LARP1: variants seen among roughly 807,000 people sequenced by gnomAD.
The protein encoded by LARP1 is La ribonucleoprotein 1, translational regulator, also known as la-related protein 1.
A neutral mutation model predicts 122.7 loss-of-function variants in LARP1; 36 were observed. That is an observed-to-expected ratio of 0.29 (90% CI 0.22 to 0.39). The LOEUF is 0.39. LARP1 is among the 10% of genes least tolerant of loss of function. LARP1 has a pLI of 1.00. For synonymous variants in LARP1, 539 were observed against 528.7 expected, an observed-to-expected ratio of 1.02 and a Z score of -0.27; for missense variants, 1,040 against 1,403.6, an observed-to-expected ratio of 0.74 and a Z score of 4.14.
intron 18 of LARP1, among the ~76,000 whole-genome samples, chr5:154,812,621 G>A (rs1316821697): frequency 6.7e-6 from 1 of 149,992 alleles, no homozygotes; most frequent in Non-Finnish European, 1.5e-5. Context: ...CCGGGTTTAA[G>A]TGATTCTCCT....
Position 154,756,117 on chromosome 5 carries a change from C to T in LARP1, c.360C>T (p.Pro120=), listed in dbSNP as rs1208013867. 8 of 1,243,066 alleles carry T rather than the reference C, an allele frequency of 6.4e-6. No individual in the cohort carries two copies. The highest frequency in any genetic ancestry group is 7.3e-6 in the Non-Finnish European group (7 of 963,550). 77.0% of individuals were successfully genotyped at this position (1,243,066 alleles called of 1,614,324 possible). A position where few individuals can be genotyped will look rare whatever the true frequency, so the allele number is the denominator to read the frequency against. Residue 120 remains proline, a synonymous_variant, in exon 1 of 19, where the codon CCC becomes CCT. Transcript: ENST00000518297. ...GGCGCCGGGACTTCGTGGAAGCCCC[C>T]CCGCCCAAGGTGAACCCGTGGACTA... ...GAGRRDFVEA[P]PPKVNPWTKN... is the part of the protein sequence containing the mutation.
At chr5:154,683,854 T>A (rs17560103) in intron 1 of LARP1, among the ~76,000 whole-genome samples, 9,221 of 152,200 alleles carry the variant, frequency 0.061, 381 homozygotes, top group Middle Eastern at 0.095. Context: ...GGGATCAGAG[T>A]AGACCTCAAA....
chr5:154,753,035 C>T (rs1297246078), upstream of LARP1, among the ~76,000 whole-genome samples: 1 of 152,032 alleles, frequency 6.6e-6, no homozygotes, highest in African/African-American at 2.4e-5. Flanking sequence ...ATCTCAGTAC[C>T]CCTCCACCCT....
intron 1 of LARP1, among the ~76,000 whole-genome samples, chr5:154,693,725 G>T (rs1245412648): frequency 6.6e-6 from 1 of 151,932 alleles, no homozygotes; most frequent in Admixed American, 6.6e-5. Context: ...GCGTGGTGGC[G>T]GGCTCCTGTA....
chr5:154,702,982 G>A (rs918284091), intron 1 of LARP1, among the ~76,000 whole-genome samples: 40 of 152,150 alleles, frequency 2.6e-4, no homozygotes, highest in African/African-American at 8.2e-4. Context: ...TTAGCCGGGC[G>A]TGGTGGCGCG....
intron 14 of LARP1, chr5:154,804,773 G>A (rs1412367968): frequency 2.2e-6 from 1 of 456,258 alleles, no homozygotes; most frequent in South Asian, 1.5e-5. Flanking sequence ...ATTTATTTCA[G>A]TAAGATGGCC....
chr5:154,811,993 C>T (rs72797597), intron 18 of LARP1, among the ~76,000 whole-genome samples: 2,561 of 152,296 alleles, frequency 0.017, 25 homozygotes, highest in Non-Finnish European at 0.026. Flanking sequence ...AAAGCCAATT[C>T]CAACCCCAGT....
At chr5:154,812,012 T>C (rs544457737) in intron 18 of LARP1, among the ~76,000 whole-genome samples, 1 of 152,268 alleles carries the variant, frequency 6.6e-6, no homozygotes, top group Admixed American at 6.5e-5. Flanking sequence ...GTTTATAAAT[T>C]AATGCCCAGG....
At chr5:154,804,428 T>G (rs1421205218) in intron 14 of LARP1, 121 bp downstream of exon 14, 1 of 756,376 alleles carries the variant, frequency 1.3e-6, no homozygotes, top group African/African-American at 1.7e-5. Flanking sequence ...CTAAGAGGTT[T>G]TCAAAAAACC....
chr5:154,691,561 G>A (rs1367859065), intron 1 of LARP1, among the ~76,000 whole-genome samples: 1 of 152,298 alleles, frequency 6.6e-6, no homozygotes, highest in African/African-American at 2.4e-5. Flanking sequence ...GGTGCCGTTC[G>A]TTGAAAAGGC....
chr5:154,774,855 CAA>C (rs1221634575), intron 1 of LARP1, among the ~76,000 whole-genome samples: 2 of 152,170 alleles, frequency 1.3e-5, no homozygotes, highest in East Asian at 1.9e-4. Flanking sequence ...GTATTTTGAC[CAA>C]AGTCTCTCAG....
At chr5:154,703,719 C>G (rs1452039669) in intron 1 of LARP1, among the ~76,000 whole-genome samples, 1 of 152,162 alleles carries the variant, frequency 6.6e-6, no homozygotes, top group African/African-American at 2.4e-5. Context: ...GACCTGGGCT[C>G]AAGCAATTCT....
intron 1 of LARP1, among the ~76,000 whole-genome samples, chr5:154,687,535 C>G (rs1196770752): frequency 1.3e-5 from 2 of 152,192 alleles, no homozygotes; most frequent in Non-Finnish European, 2.9e-5. Flanking sequence ...GCACCCACCA[C>G]CACACTCGGC....
In LARP1 at chr5:154,799,767, C is replaced by T. The variant is rs1561621344; in HGVS notation, c.1546+8C>T. 1.9e-6 allele frequency: 3 copies of T among 1,614,154 alleles called. No individual in the cohort carries two copies. The highest frequency in any genetic ancestry group is 2.5e-6 in the Non-Finnish European group (3 of 1,179,982). On this transcript the variant is annotated splice_region_variant and intron_variant, in intron 9 of 18. Transcript: ENST00000518297. ...ACTACCAAAAGGAGACAGGTAGGTA[C>T]CTGCTGGCATGAAGATTGCCCTTGT... is the stretch of plus-strand genomic sequence containing the variant.
chr5:154,756,380 C>A, intron 1 of LARP1, 187 bp downstream of exon 1: 1 of 986,454 alleles, frequency 1.0e-6, no homozygotes. Context: ...AGGGACCTGC[C>A]CCTGCCCGAG....
intron 1 of LARP1, among the ~76,000 whole-genome samples, chr5:154,690,883 C>T (rs1408970223): frequency 6.6e-6 from 1 of 152,228 alleles, no homozygotes; most frequent in Admixed American, 6.5e-5. Flanking sequence ...CCCCGGATTC[C>T]CCGGAGTATT....
rs186933979 is a variant in LARP1, at chr5:154,707,638, G to T, written c.-180+24601G>T. Reference sequence around the variant, plus strand: ...AAGACAATTTTTCCACAGCTGGGGTGGGGGGGCATGGTTTCAGGATGATTC... The same window carrying T: ...AAGACAATTTTTCCACAGCTGGGGTTGGGGGGCATGGTTTCAGGATGATTC... On this transcript the variant is annotated intron_variant, in intron 1 of 18. Coordinates refer to the LARP1 transcript ENST00000687700. 2.7e-4 allele frequency among the ~76,000 whole-genome samples: 41 copies of T among 152,168 alleles called. No individual in the cohort carries two copies. The East Asian group carries it at 3.1e-3, about 11-fold the overall frequency.
At chr5:154,713,130 G>C in exon 1 of LARP1, 2 of 1,612,814 alleles carry the variant, frequency 1.2e-6, no homozygotes, top group Non-Finnish European at 1.7e-6. Context: ...CAGCAACCCT[G>C]GTGAGTCCTA....
At chr5:154,794,517 C>A (rs1308556250) in intron 7 of LARP1, among the ~76,000 whole-genome samples, 1 of 152,200 alleles carries the variant, frequency 6.6e-6, no homozygotes, top group Non-Finnish European at 1.5e-5. Context: ...TTAGAATCTA[C>A]CCCCTTCTGT....
Sources: gnomAD v4.1 joint callset for allele counts (sites outside exome capture counted in the v4.1 genomes callset) on GRCh38, gnomAD v4.1.1 for gene constraint, MANE v1.5 for transcripts, NCBI Gene and HGNC (gene_info 2026-07-23, HGNC 2026-07-21) for gene names.